Variants in TBX20 observed in about 807,000 individuals in gnomAD.
TBX20 encodes T-box transcription factor TBX20.
A neutral mutation model predicts 42.9 loss-of-function variants in TBX20; 8 were observed. The observed-to-expected ratio is 0.19, with a 90% CI of 0.11 to 0.34. The LOEUF is 0.34. TBX20 is among the 10% of genes least tolerant of loss of function. TBX20 has a pLI of 1.00. For missense variants in TBX20, 411 were observed against 566.0 expected, an observed-to-expected ratio of 0.73 and a Z score of 2.78; for synonymous variants, 198 against 222.8, an observed-to-expected ratio of 0.89 and a Z score of 0.99.
chr7:35,244,986 A>G lies in TBX20; in HGVS notation c.617T>C (p.Val206Ala). The G allele has an allele frequency of 4.3e-6, 7 of 1,613,802 alleles. No individual in the cohort carries two copies. The highest frequency in any genetic ancestry group is 5.9e-6 in the Non-Finnish European group (7 of 1,179,756). Residue 206 changes from valine (V) to alanine (A), a missense_variant, in exon 4 of 8, where the codon GTG (valine) becomes GCG (alanine). Physicochemically the swap from Val to Ala is moderately conservative, Grantham distance 64. Transcript: ENST00000408931. The stretch of plus-strand genomic sequence containing the variant: ...ATCCAGTTCATTGTTGGTGAGTTTC[A>G]CCTTTTCAAAAGACACCATCTGTTT... Reference protein sequence around the residue: ...LLKQMVSFEKVKLTNNELDQH... With the variant: ...LLKQMVSFEKAKLTNNELDQH...
At chr7:35,206,472 T>C (rs1381976780) in intron 6 of TBX20, among the ~76,000 whole-genome samples, 1 of 152,146 alleles carries the variant, frequency 6.6e-6, no homozygotes, top group Non-Finnish European at 1.5e-5. Context: ...TGCTTGAACC[T>C]GAAGGCAGAG....
At chr7:35,242,017 G>T (rs1371514703) in intron 4 of TBX20, among the ~76,000 whole-genome samples, 1 of 152,126 alleles carries the variant, frequency 6.6e-6, no homozygotes, top group Non-Finnish European at 1.5e-5. Flanking sequence ...TCTCCAAGGA[G>T]CTAGCAGAAA....
chr7:35,253,358 G>T (rs1295635294), intron 1 of TBX20, 136 bp downstream of exon 1: 1 of 1,051,776 alleles, frequency 9.5e-7, no homozygotes, highest in Non-Finnish European at 1.4e-6. Flanking sequence ...GGACCCAAAA[G>T]AAAAAGATCT....
At chr7:35,221,204 A>C (rs1011272899) in intron 6 of TBX20, among the ~76,000 whole-genome samples, 2 of 151,780 alleles carry the variant, frequency 1.3e-5, no homozygotes, top group Admixed American at 6.6e-5. Flanking sequence ...AGATTATTTA[A>C]GCAAAAATTA....
intron 6 of TBX20, among the ~76,000 whole-genome samples, chr7:35,208,174 C>T (rs2532130): frequency 1.7e-3 from 263 of 152,180 alleles, no homozygotes; most frequent in African/African-American, 6.1e-3. Flanking sequence ...TTCCCTACTT[C>T]GTATTATAGT....
intron 1 of TBX20, 21 bp from the exon 2 acceptor site, chr7:35,250,224 G>T: frequency 6.2e-7 from 1 of 1,613,740 alleles, no homozygotes; most frequent in South Asian, 1.1e-5. Context: ...AGAGAATTGT[G>T]AATGACAGCT....
chr7:35,221,766 A>G (rs1356443287), intron 6 of TBX20, among the ~76,000 whole-genome samples: 2 of 152,186 alleles, frequency 1.3e-5, no homozygotes. Context: ...AATTCCAATA[A>G]TTGAAGAGAG....
intron 6 of TBX20, among the ~76,000 whole-genome samples, chr7:35,223,779 T>G (rs1789723584): frequency 6.6e-6 from 1 of 151,532 alleles, no homozygotes; most frequent in South Asian, 2.1e-4. Context: ...AGGAAAGAAA[T>G]GGGAAAAGAG....
Position 35,253,625 on chromosome 7 carries a change from C to G in TBX20, c.-5G>C. ...GGGGGACGCCGTGAACTCCATGGTC[C>G]CCAGCACGCGGTCCTGGCCAGGGAC... On this transcript the variant is annotated 5_prime_UTR_variant, in exon 1 of 8. Coordinates refer to ENST00000408931, the MANE Select transcript of TBX20 (RefSeq NM_001077653.2). 5 of 1,611,244 alleles carry G rather than the reference C, an allele frequency of 3.1e-6. No homozygotes were observed. Among genetic ancestry groups the G allele is most frequent in the Non-Finnish European group, 4.2e-6 (5 of 1,179,776 alleles).
At chr7:35,235,319 A>G (rs796303553) in intron 5 of TBX20, among the ~76,000 whole-genome samples, 50,271 of 143,448 alleles carry the variant, frequency 0.35, 9,163 homozygotes, top group Admixed American at 0.44. Context: ...ACTGAGAACT[A>G]ATGAGAAAAA....
In TBX20 at chr7:35,224,250, G is replaced by C. The variant is rs1789731701; in HGVS notation, c.890+7254C>G. 2.0e-5 allele frequency among the ~76,000 whole-genome samples: 3 copies of C among 152,186 alleles called. No individual in the cohort carries two copies. The South Asian group carries it at 6.2e-4, about 31-fold the overall frequency. ...GATTTCAATTAATTTGAACAAATTA[G>C]CAGAAACCAATACCAGCAACTGACA... On this transcript the variant is annotated intron_variant, in intron 6 of 7. Coordinates refer to ENST00000408931, the MANE Select transcript of TBX20 (RefSeq NM_001077653.2).
Position 35,253,500 on chromosome 7 carries a change from G to A in TBX20, c.121C>T (p.Pro41Ser). 1 of 1,610,784 alleles carries A rather than the reference G, an allele frequency of 6.2e-7. No individual in the cohort carries two copies. Among genetic ancestry groups the A allele is most frequent in the Non-Finnish European group, 8.5e-7 (1 of 1,179,056 alleles). ...GCCGGGTAGCCCAACTTACCCAGGG[G>A]TTTGATTGTGTTCTCCGTCGCCTCC... ...EKEATENTIKPLEQFVEKSSC... is the reference protein window; with the variant it reads ...EKEATENTIKSLEQFVEKSSC... Residue 41 changes from proline to serine, a missense_variant, in exon 1 of 8, where the codon CCC becomes TCC. Pro to Ser is a moderately conservative substitution (Grantham distance 74, BLOSUM62 -1). Coordinates refer to ENST00000408931, the MANE Select transcript of TBX20 (RefSeq NM_001077653.2).
intron 6 of TBX20, among the ~76,000 whole-genome samples, chr7:35,225,686 C>A (rs976954533): frequency 2.6e-5 from 4 of 152,196 alleles, no homozygotes; most frequent in Admixed American, 1.3e-4. Context: ...TCTTTGAATA[C>A]TGATATCACT....
chr7:35,253,408 G>A (rs1291862456), intron 1 of TBX20, 86 bp downstream of exon 1: 8 of 1,489,136 alleles, frequency 5.4e-6, no homozygotes, highest in Admixed American at 1.9e-5. Context: ...AGCATCAGAC[G>A]TTGCTGCGAG....
At chr7:35,227,876 C>T (rs1375133692) in intron 6 of TBX20, among the ~76,000 whole-genome samples, 4 of 151,974 alleles carry the variant, frequency 2.6e-5, no homozygotes, top group Non-Finnish European at 4.4e-5. Context: ...ATTCTGGAAA[C>T]GGATAGCAGT....
At chr7:35,221,541 C>T (rs1214771724) in intron 6 of TBX20, among the ~76,000 whole-genome samples, 6 of 152,108 alleles carry the variant, frequency 3.9e-5, no homozygotes, top group Non-Finnish European at 7.4e-5. Flanking sequence ...TTGGCATTAG[C>T]TTTTATTCCA....
chr7:35,220,137 C>A (rs894696059), intron 6 of TBX20, among the ~76,000 whole-genome samples: 1 of 152,210 alleles, frequency 6.6e-6, no homozygotes, highest in African/African-American at 2.4e-5. Flanking sequence ...CACCAGCCGG[C>A]ATGCCATCCA....
intron 4 of TBX20, among the ~76,000 whole-genome samples, chr7:35,244,603 T>C (rs1327290763): frequency 6.6e-6 from 1 of 152,180 alleles, no homozygotes; most frequent in African/African-American, 2.4e-5. Flanking sequence ...CTGACAGAAA[T>C]TAGATGCTTA....
chr7:35,208,892 G>T (rs748851963), intron 6 of TBX20, among the ~76,000 whole-genome samples: 7 of 150,304 alleles, frequency 4.7e-5, no homozygotes, highest in Non-Finnish European at 8.8e-5. Context: ...CTAGACTAAA[G>T]GTTCTCTTCT....
Sources: allele counts gnomAD v4.1 joint callset (sites outside exome capture counted in the v4.1 genomes callset), GRCh38; gene constraint gnomAD v4.1.1; transcripts MANE v1.5; gene names NCBI Gene and HGNC (gene_info 2026-07-23, HGNC 2026-07-21).